The following DLGAP2 variants were observed in gnomAD, a reference collection of about 807,000 sequenced individuals.
DLGAP2 encodes disks large-associated protein 2.
DLGAP2 carries 26 observed loss-of-function variants against 100.3 expected under a neutral mutation model. The ratio of observed to expected loss-of-function variants is 0.26; its 90% CI spans 0.19 to 0.36. The LOEUF is 0.36. Among genes scored for constraint, DLGAP2 ranks in the 10% least tolerant of loss-of-function variants. DLGAP2 has a pLI of 1.00. For missense variants in DLGAP2, 1,858 were observed against 1,453.2 expected (o/e 1.28, Z -4.53); for synonymous variants, 886 against 630.1 (o/e 1.41, Z -6.08).
intron 3 of DLGAP2, among the ~76,000 whole-genome samples, chr8:1,366,186 C>A (rs369317684): frequency 8.4e-4 from 128 of 152,326 alleles, no homozygotes; most frequent in African/African-American, 2.8e-3. Context: ...TCCATTTAAA[C>A]AATGAATTCT....
At chr8:1,094,998 C>G (rs998456386) in intron 2 of DLGAP2, among the ~76,000 whole-genome samples, 11 of 152,176 alleles carry the variant, frequency 7.2e-5, no homozygotes, top group Non-Finnish European at 7.3e-5. Flanking sequence ...GCAGCCTGCT[C>G]CAGGTGGACC....
intron 2 of DLGAP2, among the ~76,000 whole-genome samples, chr8:1,099,529 G>A (rs1293363302): frequency 6.6e-6 from 1 of 152,244 alleles, no homozygotes; most frequent in Non-Finnish European, 1.5e-5. Flanking sequence ...CCTCGCAGTG[G>A]TGTCTCTTCA....
At chr8:1,128,493 C>G (rs1282076906) in intron 2 of DLGAP2, among the ~76,000 whole-genome samples, 1 of 152,240 alleles carries the variant, frequency 6.6e-6, no homozygotes, top group Non-Finnish European at 1.5e-5. Context: ...TTCCAGCTGC[C>G]TGCAGGACTC....
chr8:1,175,333 C>G (rs572548569), intron 2 of DLGAP2, among the ~76,000 whole-genome samples: 2 of 152,168 alleles, frequency 1.3e-5, no homozygotes, highest in South Asian at 4.1e-4. Context: ...GCTTAGTTTT[C>G]TGTGAATCTC....
chr8:1,267,593 T>TAA lies in DLGAP2; in HGVS notation c.106+8711_106+8712dup, dbSNP rs1188791222. Among the ~76,000 whole-genome samples the TAA allele has an allele frequency of 4.9e-4, 17 of 34,472 alleles. 1 individual carries two copies. Among genetic ancestry groups the TAA allele is most frequent in the African/African-American group, 1.7e-3 (14 of 8,266 alleles). 22.6% of individuals were successfully genotyped at this position (34,472 alleles called of 152,430 possible). ...TAAAATAAAATAAAATAAAATAAGATAAGATAAGATAAGATAAGATAAGAT... is the reference window on the plus strand; with the variant it reads ...TAAAATAAAATAAAATAAAATAAGATAAAAGATAAGATAAGATAAGATAAGAT... On this transcript the variant is annotated intron_variant, in intron 3 of 14. Transcript: ENST00000637795.
rs779605503 is a variant in DLGAP2, at chr8:1,549,407, C to T, written c.954C>T (p.His318=). The change falls in exon 5 of 15, where the codon CAC becomes CAT. Residue 318 remains histidine (H), a synonymous_variant. Coordinates refer to ENST00000637795, the MANE Select transcript of DLGAP2 (RefSeq NM_001346810.2). ...TYRTPSVLNR[H]HLGPVAHCYP... ...GGACGCCCAGCGTGCTCAACCGGCA[C>T]CACCTGGGCCCCGTGGCCCACTGCT... 57 of 1,613,326 alleles carry T rather than the reference C, an allele frequency of 3.5e-5. No individual in the cohort carries two copies. In the South Asian group the frequency reaches 5.7e-4, roughly 16 times the overall value.
chr8:980,595 C>T (rs373287874), intron 2 of DLGAP2, among the ~76,000 whole-genome samples: 1 of 152,160 alleles, frequency 6.6e-6, no homozygotes, highest in East Asian at 1.9e-4. Context: ...GTGTGCTGTC[C>T]ATGGCGCTGA....
intron 5 of DLGAP2, among the ~76,000 whole-genome samples, chr8:1,560,592 A>C (rs1802124172): frequency 6.6e-6 from 1 of 152,220 alleles, no homozygotes; most frequent in Admixed American, 6.5e-5. Flanking sequence ...GGACATGACC[A>C]GTCCGAAGGC....
chr8:1,692,387 G>A, intron 13 of DLGAP2, among the ~76,000 whole-genome samples: 1 of 76,744 alleles, frequency 1.3e-5, no homozygotes, highest in Admixed American at 1.4e-4. Context: ...ATACGGCCCT[G>A]GTTTAAACGC....
chr8:1,306,135 A>C lies in DLGAP2; in HGVS notation c.106+47252A>C, dbSNP rs1047018276. Among the ~76,000 whole-genome samples, 4 of 151,892 alleles carry C rather than the reference A, an allele frequency of 2.6e-5. No individual in the cohort carries two copies. In the East Asian group the frequency reaches 7.7e-4, roughly 29 times the overall value. On this transcript the variant is annotated intron_variant, in intron 3 of 14. Transcript: ENST00000637795. ...TAGAAAATCATCCAAATTGGAAAGA[A>C]GTAAAATTGTTATTTGCAGATGACA...
At chr8:1,440,139 G>GA (rs1046507261) in intron 3 of DLGAP2, among the ~76,000 whole-genome samples, 1 of 151,726 alleles carries the variant, frequency 6.6e-6, no homozygotes, top group African/African-American at 2.4e-5. Context: ...ATTTTAAGAA[G>GA]AAAAAAAGGA....
At chr8:1,491,096 AAAAAT>A (rs1799370018) in intron 3 of DLGAP2, among the ~76,000 whole-genome samples, 1 of 147,432 alleles carries the variant, frequency 6.8e-6, no homozygotes, top group African/African-American at 2.4e-5. Context: ...AAAAAAACCC[AAAAAT>A]AAAATCACTT....
At chr8:1,006,078 A>G (rs898046410) in intron 2 of DLGAP2, among the ~76,000 whole-genome samples, 2 of 152,144 alleles carry the variant, frequency 1.3e-5, no homozygotes, top group Non-Finnish European at 2.9e-5. Context: ...AATCACAGGT[A>G]CTCGGGAGGC....
In DLGAP2 at chr8:1,047,106, C is replaced by G. The variant is rs572140060; in HGVS notation, c.73+139140C>G. ...TCTAATTGCAGAATATTTCTTATCCCCATAAGAAACCCCTAACTGGTTGGC... is the reference window on the plus strand; with the variant it reads ...TCTAATTGCAGAATATTTCTTATCCGCATAAGAAACCCCTAACTGGTTGGC... On this transcript the variant is annotated intron_variant, in intron 2 of 14. Transcript: ENST00000637795. Among the ~76,000 whole-genome samples, 141 of 152,268 alleles carry G rather than the reference C, an allele frequency of 9.3e-4. 1 individual carries two copies. The highest frequency in any genetic ancestry group is 3.3e-3 in the African/African-American group (139 of 41,558).
At chr8:1,183,326 C>G (rs950725626) in intron 2 of DLGAP2, among the ~76,000 whole-genome samples, 1 of 152,100 alleles carries the variant, frequency 6.6e-6, no homozygotes, top group African/African-American at 2.4e-5. Context: ...GGAAAACAGC[C>G]AATTTGTAAT....
At chr8:1,483,665 C>CAGGGAGGCAGGTGCAGGAGGTGGGGACG (rs1799163825) in intron 3 of DLGAP2, among the ~76,000 whole-genome samples, 6 of 145,418 alleles carry the variant, frequency 4.1e-5, no homozygotes, top group Admixed American at 3.5e-4. Flanking sequence ...CTACACAGAG[C>CAGGGAGGCAGGTGCAGGAGGTGGGGACG]AGGGAGGCAG....
intron 2 of DLGAP2, among the ~76,000 whole-genome samples, chr8:1,218,029 T>C (rs1798246568): frequency 6.6e-6 from 1 of 152,226 alleles, no homozygotes; most frequent in Non-Finnish European, 1.5e-5. Context: ...GCAGATATTT[T>C]CTCCCATTCT....
At chr8:1,623,547 G>A (rs551084865) in intron 6 of DLGAP2, among the ~76,000 whole-genome samples, 7 of 148,932 alleles carry the variant, frequency 4.7e-5, no homozygotes, top group East Asian at 1.9e-4. Context: ...ACACCAGTGC[G>A]TGATAACCTG....
At chr8:1,061,212 C>T (rs891027803) in intron 2 of DLGAP2, among the ~76,000 whole-genome samples, 1 of 152,140 alleles carries the variant, frequency 6.6e-6, no homozygotes, top group Non-Finnish European at 1.5e-5. Flanking sequence ...CGTCGCCCAT[C>T]CCTCGTGAAC....
Sources: gnomAD v4.1 joint callset for allele counts (sites outside exome capture counted in the v4.1 genomes callset) on GRCh38, gnomAD v4.1.1 for gene constraint, MANE v1.5 for transcripts, NCBI Gene and HGNC (gene_info 2026-07-23, HGNC 2026-07-21) for gene names.